Variants in TRAF2 observed in about 807,000 individuals in gnomAD.
TRAF2 encodes the protein TNF receptor associated factor 2, also known as TNF receptor-associated factor 2.
Under a neutral mutation model 55.6 loss-of-function variants are expected in TRAF2, and 6 were observed. The observed-to-expected ratio is 0.11, with a 90% CI of 0.06 to 0.21. TRAF2 has a LOEUF of 0.21. Among genes scored for constraint, TRAF2 ranks in the 10% least tolerant of loss-of-function variants. The pLI, the probability that TRAF2 is intolerant of heterozygous loss-of-function variation, is 1.00. For missense variants in TRAF2, 561 were observed against 684.5 expected (o/e 0.82, Z 2.01); for synonymous variants, 329 against 276.3 (o/e 1.19, Z -1.89).
intron 1 of TRAF2, among the ~76,000 whole-genome samples, chr9:136,891,595 A>G (rs1849581200): frequency 6.6e-6 from 1 of 151,946 alleles, no homozygotes; most frequent in Non-Finnish European, 1.5e-5. Flanking sequence ...CAGGGAGGGC[A>G]CACCTCTGTC....
chr9:136,905,804 C>G (rs1849934233), intron 4 of TRAF2, among the ~76,000 whole-genome samples: 1 of 152,036 alleles, frequency 6.6e-6, no homozygotes, highest in Non-Finnish European at 1.5e-5. Flanking sequence ...CAAGACCAGC[C>G]TGGGTAAGAT....
chr9:136,909,948 C>A lies in TRAF2; in HGVS notation c.557C>A (p.Pro186His), dbSNP rs888104896. The A allele has an allele frequency of 6.2e-7, 1 of 1,614,168 alleles. No homozygotes were observed. Among genetic ancestry groups the A allele is most frequent in the Admixed American group, 1.7e-5 (1 of 60,022 alleles). The change falls in exon 6 of 11, where the codon CCC (proline) becomes CAC (histidine). Residue 186 changes from proline to histidine, a missense_variant. This residue lies in a region of TRAF2 where 426 missense variants were observed against 476.8 expected (regional missense o/e 0.89). Coordinates refer to ENST00000247668, the MANE Select transcript of TRAF2 (RefSeq NM_021138.4). ...KAHHEVCPKFPLTCDGCGKKK... is the reference protein window; with the variant it reads ...KAHHEVCPKFHLTCDGCGKKK... ...CACCACGAGGTCTGCCCCAAGTTCC[C>A]CTTAACTTGTGACGGCTGCGGCAAG...
chr9:136,910,065 TGGG>T, intron 6 of TRAF2, 71 bp downstream of exon 6: 1 of 1,376,624 alleles, frequency 7.3e-7, no homozygotes, highest in Non-Finnish European at 1.0e-6. Context: ...GTCCCGTGGG[TGGG>T]GGTGGGGCAG....
intron 10 of TRAF2, 24 bp downstream of exon 10, chr9:136,924,024 G>A (rs369030220): frequency 8.7e-6 from 14 of 1,609,158 alleles, no homozygotes; most frequent in African/African-American, 2.7e-5. Flanking sequence ...TGCAGGCTTC[G>A]CTAGGGCCGC....
chr9:136,902,209 C>G (rs929256803), intron 4 of TRAF2: 1 of 152,304 alleles, frequency 6.6e-6, no homozygotes, highest in Non-Finnish European at 1.5e-5. Flanking sequence ...ACCCCCCACT[C>G]CCTGCTCCTT....
At chr9:136,923,162 C>A (rs975980304) in intron 9 of TRAF2, among the ~76,000 whole-genome samples, 1 of 152,198 alleles carries the variant, frequency 6.6e-6, no homozygotes, top group Admixed American at 6.5e-5. Context: ...GCCAGTGCCT[C>A]TTCTGAGGCA....
chr9:136,912,152 C>CTTTTTTTTTTTTTTTTTT (rs1180324647), intron 6 of TRAF2, among the ~76,000 whole-genome samples: 2 of 58,330 alleles, frequency 3.4e-5, no homozygotes, highest in Admixed American at 2.2e-4. Context: ...GCGTCTGGCC[C>CTTTTTTTTTTTTTTTTTT]TTTTTTTTTT....
intron 10 of TRAF2, among the ~76,000 whole-genome samples, chr9:136,924,557 G>A (rs1850474737): frequency 6.6e-6 from 1 of 151,940 alleles, no homozygotes; most frequent in South Asian, 2.1e-4. Flanking sequence ...GCAAGAGGGG[G>A]CTCTAAATAA....
At chr9:136,905,304 C>T (rs533908294) in intron 4 of TRAF2, among the ~76,000 whole-genome samples, 24 of 152,218 alleles carry the variant, frequency 1.6e-4, no homozygotes, top group Non-Finnish European at 3.1e-4. Context: ...ATGCTCTAGT[C>T]TCTCCTGTCT....
chr9:136,894,584 T>G (rs1260272105), intron 1 of TRAF2, among the ~76,000 whole-genome samples: 1 of 151,632 alleles, frequency 6.6e-6, no homozygotes, highest in Non-Finnish European at 1.5e-5. Flanking sequence ...AGCAGGGGGA[T>G]TGGGGGCATC....
intron 1 of TRAF2, among the ~76,000 whole-genome samples, chr9:136,892,666 G>A (rs1006368211): frequency 1.3e-5 from 2 of 152,132 alleles, no homozygotes; most frequent in African/African-American, 4.8e-5. Flanking sequence ...GATTATCTGA[G>A]GTCAGGAGTT....
At chr9:136,909,072 AGTTT>A (rs965731077) in intron 5 of TRAF2, among the ~76,000 whole-genome samples, 2 of 151,942 alleles carry the variant, frequency 1.3e-5, no homozygotes, top group Non-Finnish European at 2.9e-5. Context: ...TTTTAAAAAA[AGTTT>A]GTTTTTAGGA....
At chr9:136,882,665 A>G (rs1849388119), upstream of TRAF2, 3 of 985,514 alleles carry the variant, frequency 3.0e-6, no homozygotes, top group Non-Finnish European at 3.6e-6. Context: ...TCTTTTCGGC[A>G]GGAAGGAGCC....
Position 136,923,610 on chromosome 9 carries a change from C to CAAA in TRAF2, c.1139-219_1139-217dup, listed in dbSNP as rs55666712. 1.2e-3 allele frequency among the ~76,000 whole-genome samples: 80 copies of CAAA among 67,742 alleles called. 1 individual carries two copies. The highest frequency in any genetic ancestry group is 3.9e-3 in the South Asian group (5 of 1,272). The allele number at this position is 67,742 out of a possible 152,430, so 44.4% of individuals were successfully genotyped here. ...GGGCAACAAGAGTGAGACTCCATCT[C>CAAA]AAAAAAAAAAAAAAAAAAAAAAAAA... On this transcript the variant is annotated intron_variant, in intron 9 of 10. Transcript: ENST00000247668.
intron 6 of TRAF2, among the ~76,000 whole-genome samples, chr9:136,913,099 C>T (rs972027126): frequency 5.9e-5 from 9 of 152,092 alleles, no homozygotes; most frequent in African/African-American, 1.9e-4. Context: ...GCCAAGATCG[C>T]GCCAGTGCGC....
At chr9:136,895,645 A>C (rs1217757532) in intron 1 of TRAF2, among the ~76,000 whole-genome samples, 1 of 152,190 alleles carries the variant, frequency 6.6e-6, no homozygotes. Flanking sequence ...TGAGGCCAGG[A>C]GTTTAAGACC....
chr9:136,886,618 C>T (rs1279251864), intron 1 of TRAF2, 77 bp downstream of exon 1: 4 of 952,854 alleles, frequency 4.2e-6, no homozygotes, highest in South Asian at 4.7e-5. Flanking sequence ...CGGGGTCGGG[C>T]GCAGGCGCGG....
chr9:136,898,833 G>A lies in TRAF2; in HGVS notation c.93G>A (p.Lys31=), dbSNP rs774261153. 3 of 1,613,798 alleles carry A rather than the reference G, an allele frequency of 1.9e-6. No homozygotes were observed. Among genetic ancestry groups the A allele is most frequent in the South Asian group, 1.1e-5 (1 of 91,082 alleles). The part of the protein sequence containing the change: ...KTLLGTKLEA[K]YLCSACRNVL... ...TCCTGGGGACCAAGCTGGAAGCCAA[G>A]TACCTGTGCTCCGCCTGCAGAAACG... The change falls in exon 2 of 11, where the codon AAG becomes AAA. Residue 31 remains lysine, a synonymous_variant. Coordinates refer to ENST00000247668, the MANE Select transcript of TRAF2 (RefSeq NM_021138.4).
chr9:136,908,742 C>A (rs930559501), intron 5 of TRAF2, among the ~76,000 whole-genome samples: 1 of 152,006 alleles, frequency 6.6e-6, no homozygotes, highest in Non-Finnish European at 1.5e-5. Flanking sequence ...TGGTGGCGGG[C>A]GCCTGCAGTC....
Sources: allele counts gnomAD v4.1 joint callset (sites outside exome capture counted in the v4.1 genomes callset), GRCh38; gene constraint gnomAD v4.1.1; regional missense constraint gnomAD v4.1.1; transcripts MANE v1.5; gene names NCBI Gene and HGNC (gene_info 2026-07-23, HGNC 2026-07-21).